SMYD3: variants seen among roughly 807,000 people sequenced by gnomAD.
The protein encoded by SMYD3 is histone-lysine N-methyltransferase SMYD3.
A neutral mutation model predicts 57.7 loss-of-function variants in SMYD3; 36 were observed. The ratio of observed to expected loss-of-function variants is 0.62; its 90% CI spans 0.48 to 0.82. The LOEUF is 0.82. Ranked by LOEUF, SMYD3 falls within the 40% of genes least tolerant of loss-of-function variation. SMYD3 has a pLI of 0.00. For synonymous variants in SMYD3, 211 were observed against 195.0 expected, an observed-to-expected ratio of 1.08 and a Z score of -0.68; for missense variants, 515 against 538.8, an observed-to-expected ratio of 0.96 and a Z score of 0.44.
chr1:246,487,000 T>C (rs2068198155), intron 1 of SMYD3, among the ~76,000 whole-genome samples: 1 of 152,132 alleles, frequency 6.6e-6, no homozygotes, highest in African/African-American at 2.4e-5. Flanking sequence ...TACCCACCTA[T>C]ACTAATAGAA....
At chr1:245,840,115 A>G (rs1016615196) in intron 10 of SMYD3, among the ~76,000 whole-genome samples, 1 of 152,212 alleles carries the variant, frequency 6.6e-6, no homozygotes, top group African/African-American at 2.4e-5. Context: ...GTGAAAGAAC[A>G]GAAAAACAGA....
intron 5 of SMYD3, among the ~76,000 whole-genome samples, chr1:245,960,681 C>G (rs925606507): frequency 6.6e-6 from 1 of 152,020 alleles, no homozygotes; most frequent in African/African-American, 2.4e-5. Context: ...GAGCTGAGAC[C>G]ATGCCACTGC....
intron 5 of SMYD3, among the ~76,000 whole-genome samples, chr1:246,180,290 A>ATATATATAAGTATATATATAAACTACT (rs1558293710): frequency 1.9e-4 from 28 of 145,514 alleles, no homozygotes; most frequent in African/African-American, 6.3e-4. Flanking sequence ...TAAACTACTT[A>ATATATATAAGTATATATATAAACTACT]TATATATATA....
intron 1 of SMYD3, among the ~76,000 whole-genome samples, chr1:246,371,666 A>G (rs531681811): frequency 6.6e-6 from 1 of 152,346 alleles, no homozygotes; most frequent in South Asian, 2.1e-4. Flanking sequence ...ACATACTATG[A>G]CGTAAGCCTT....
intron 5 of SMYD3, among the ~76,000 whole-genome samples, chr1:246,261,968 A>G (rs976195250): frequency 2.6e-5 from 4 of 152,216 alleles, no homozygotes; most frequent in African/African-American, 9.7e-5. Flanking sequence ...AAGCTGTTCA[A>G]ATTCCAATAC....
chr1:245,844,605 C>CT (rs34767057), intron 10 of SMYD3, among the ~76,000 whole-genome samples: 34,407 of 147,636 alleles, frequency 0.23, 5,512 homozygotes, highest in African/African-American at 0.45. Context: ...TCCTTGGTTT[C>CT]TTTTTTTTTT....
At chr1:246,173,120 G>C (rs974716477) in intron 5 of SMYD3, among the ~76,000 whole-genome samples, 56 of 147,136 alleles carry the variant, frequency 3.8e-4, no homozygotes, top group African/African-American at 1.3e-3. Flanking sequence ...TACACACTTA[G>C]GCTACACAGG....
chr1:246,064,446 C>T (rs2060307176), intron 5 of SMYD3, among the ~76,000 whole-genome samples: 1 of 152,172 alleles, frequency 6.6e-6, no homozygotes, highest in Admixed American at 6.5e-5. Flanking sequence ...ACCTAGAATG[C>T]ATTTCCACTT....
chr1:246,218,605 A>G (rs12088730), intron 5 of SMYD3, among the ~76,000 whole-genome samples: 13,093 of 151,138 alleles, frequency 0.087, 999 homozygotes, highest in East Asian at 0.23. Context: ...TGGGTGACAG[A>G]GCGAGACTCC....
rs112502772 is a variant in SMYD3, at chr1:246,143,798, A to G, written c.531+183403T>C. Among the ~76,000 whole-genome samples the G allele has an allele frequency of 5.5e-4, 84 of 152,332 alleles. 1 individual carries two copies. Among genetic ancestry groups the G allele is most frequent in the African/African-American group, 2.0e-3 (82 of 41,576 alleles). On this transcript the variant is annotated intron_variant, in intron 5 of 11. Transcript: ENST00000490107. The stretch of plus-strand genomic sequence containing the variant: ...AGCCTCTATGCTTCTGGATCCTCCC[A>G]TCTGTTAGGTCAACACCATTTACCT...
At chr1:246,254,057 T>C (rs941157625) in intron 5 of SMYD3, among the ~76,000 whole-genome samples, 6 of 152,208 alleles carry the variant, frequency 3.9e-5, no homozygotes, top group Admixed American at 3.9e-4. Flanking sequence ...TTAAAAAAAC[T>C]TTGTCAGATG....
At chr1:246,420,381 C>T (rs2102996843) in intron 1 of SMYD3, among the ~76,000 whole-genome samples, 2 of 152,324 alleles carry the variant, frequency 1.3e-5, no homozygotes, top group Admixed American at 1.3e-4. Flanking sequence ...TAATTAAAGG[C>T]ACAGTGACTT....
intron 8 of SMYD3, among the ~76,000 whole-genome samples, chr1:245,881,525 C>T (rs906471571): frequency 6.6e-6 from 1 of 152,222 alleles, no homozygotes; most frequent in Middle Eastern, 3.4e-3. Flanking sequence ...TAGAGCTTAA[C>T]TCCATGCTAG....
intron 10 of SMYD3, among the ~76,000 whole-genome samples, chr1:245,840,239 T>C (rs2050333356): frequency 6.6e-6 from 1 of 152,128 alleles, no homozygotes; most frequent in Non-Finnish European, 1.5e-5. Context: ...CCATGCCGAA[T>C]ACATCAGTGT....
intron 5 of SMYD3, among the ~76,000 whole-genome samples, chr1:246,228,711 T>C (rs912445503): frequency 3.3e-5 from 5 of 152,228 alleles, no homozygotes; most frequent in African/African-American, 1.2e-4. Flanking sequence ...TATTCCTTTC[T>C]GTATAAGTTT....
chr1:246,071,570 G>C (rs2060444453), intron 5 of SMYD3, among the ~76,000 whole-genome samples: 2 of 152,118 alleles, frequency 1.3e-5, no homozygotes, highest in African/African-American at 4.8e-5. Flanking sequence ...ACACAATCCT[G>C]AATGCCATCA....
At chr1:245,821,259 T>C (rs945106678) in intron 10 of SMYD3, among the ~76,000 whole-genome samples, 2 of 98,544 alleles carry the variant, frequency 2.0e-5, no homozygotes, top group Middle Eastern at 4.1e-3. Flanking sequence ...TACAACTATC[T>C]GATCTTTGAC....
At chr1:245,875,904 C>T (rs1376033999) in intron 8 of SMYD3, among the ~76,000 whole-genome samples, 1 of 152,208 alleles carries the variant, frequency 6.6e-6, no homozygotes, top group African/African-American at 2.4e-5. Flanking sequence ...GGTAAACAAA[C>T]TTACAAATCC....
chr1:245,917,263 C>A (rs1476737240), intron 7 of SMYD3, among the ~76,000 whole-genome samples: 1 of 152,220 alleles, frequency 6.6e-6, no homozygotes, highest in African/African-American at 2.4e-5. Context: ...AACTCCTGGG[C>A]TCAAGCAATC....
Sources: gnomAD v4.1 joint callset for allele counts (sites outside exome capture counted in the v4.1 genomes callset) on GRCh38, gnomAD v4.1.1 for gene constraint, MANE v1.5 for transcripts, NCBI Gene and HGNC (gene_info 2026-07-23, HGNC 2026-07-21) for gene names.